The following C7 variants were observed in gnomAD, a reference collection of about 807,000 sequenced individuals.
The protein encoded by C7 is complement C7.
A neutral mutation model predicts 104.8 loss-of-function variants in C7; 83 were observed. That is an observed-to-expected ratio of 0.79 (90% CI 0.66 to 0.95). The LOEUF is 0.95. C7 is among the 40% of genes least tolerant of loss of function. The pLI, the probability that C7 is intolerant of heterozygous loss-of-function variation, is 0.00. For synonymous variants in C7, 415 were observed against 360.6 expected, an observed-to-expected ratio of 1.15 and a Z score of -1.71; for missense variants, 1,070 against 1,011.2, an observed-to-expected ratio of 1.06 and a Z score of -0.79.
chr5:40,947,494 C>A (rs1296814861), intron 7 of C7, 108 bp from the exon 8 acceptor site: 16 of 1,239,692 alleles, frequency 1.3e-5, no homozygotes, highest in Non-Finnish European at 1.7e-5. Flanking sequence ...TTCTTGTAGT[C>A]TTGGTTGATT....
intron 6 of C7, among the ~76,000 whole-genome samples, chr5:40,943,637 T>A (rs1269227615): frequency 2.6e-5 from 4 of 151,858 alleles, no homozygotes; most frequent in Non-Finnish European, 5.9e-5. Flanking sequence ...AAATATTTTT[T>A]AAATCAATAA....
At chr5:40,946,601 C>G (rs550102793) in intron 7 of C7, among the ~76,000 whole-genome samples, 13 of 152,118 alleles carry the variant, frequency 8.5e-5, no homozygotes, top group African/African-American at 2.9e-4. Context: ...AGTAGCTTCA[C>G]CTGCAAATAC....
chr5:40,912,274 C>A (rs947918354), intron 1 of C7, among the ~76,000 whole-genome samples: 1 of 152,038 alleles, frequency 6.6e-6, no homozygotes, highest in African/African-American at 2.4e-5. Flanking sequence ...AATAAGCAGA[C>A]CTTGATGGGT....
chr5:40,972,758 A>G lies in C7; in HGVS notation c.2074+164A>G, dbSNP rs150099750. ...AGACTGAGTAACAGATTTTCTTCAC[A>G]TGGCACAGAAAGACTCATGAAAGCA... is the stretch of plus-strand genomic sequence containing the variant. On this transcript the variant is annotated intron_variant, in intron 15 of 17. Coordinates refer to ENST00000313164, the MANE Select transcript of C7 (RefSeq NM_000587.4). Among the ~76,000 whole-genome samples, 28 of 152,310 alleles carry G rather than the reference A, an allele frequency of 1.8e-4. No individual in the cohort carries two copies. In the East Asian group the frequency reaches 2.9e-3, roughly 16 times the overall value.
rs775574494 is a variant in C7, at chr5:40,909,571, A to T, written c.-40A>T. On this transcript the variant is annotated 5_prime_UTR_variant, in exon 1 of 18. Coordinates refer to ENST00000313164, the MANE Select transcript of C7 (RefSeq NM_000587.4). ...AAACTTACCCGGCCCTTACAGAGGA[A>T]ATCTTCCTCCTCTCTTCTGCCCTGA... is the stretch of plus-strand genomic sequence containing the variant. 23 of 1,549,600 alleles carry T rather than the reference A, an allele frequency of 1.5e-5. 1 individual carries two copies. In the South Asian group the frequency reaches 2.8e-4, roughly 19 times the overall value.
intron 9 of C7, among the ~76,000 whole-genome samples, chr5:40,950,975 A>T (rs1352369604): frequency 2.0e-5 from 3 of 152,182 alleles, no homozygotes; most frequent in Non-Finnish European, 2.9e-5. Flanking sequence ...GGGTTCCATT[A>T]AAAGATTTAA....
intron 14 of C7, chr5:40,967,790 G>A (rs563733619): frequency 1.3e-5 from 2 of 158,894 alleles, no homozygotes; most frequent in East Asian, 1.8e-4. Context: ...CTGCGTTTGT[G>A]GCTTGACAGA....
In C7 at chr5:40,981,449, G is replaced by A; in HGVS notation, c.2408G>A (p.Ser803Asn). The A allele has an allele frequency of 6.2e-7, 1 of 1,613,700 alleles. No homozygotes were observed. The highest frequency in any genetic ancestry group is 8.5e-7 in the Non-Finnish European group (1 of 1,179,752). Residue 803 changes from serine to asparagine, a missense_variant, in exon 18 of 18, where the codon AGC becomes AAC. Transcript: ENST00000313164. ...EASECEEEGF[S>N]ICVEVNGKEQ... ...TCGGAGTGCGAGGAAGAAGGGTTTA[G>A]CATTTGTGTGGAAGTGAACGGCAAG...
intron 17 of C7, 51 bp from the exon 18 acceptor site, chr5:40,981,341 C>A: frequency 6.5e-7 from 1 of 1,538,166 alleles, no homozygotes; most frequent in Non-Finnish European, 8.9e-7. Context: ...TGTTCTTTGA[C>A]TCCCCGACCT....
chr5:40,934,776 A>G (rs906770040), intron 4 of C7, among the ~76,000 whole-genome samples: 1 of 152,186 alleles, frequency 6.6e-6, no homozygotes, highest in African/African-American at 2.4e-5. Flanking sequence ...TGAGTCTTGT[A>G]CATATATTGA....
chr5:40,974,920 G>A (rs1740781461), intron 15 of C7, among the ~76,000 whole-genome samples: 2 of 152,120 alleles, frequency 1.3e-5, no homozygotes, highest in African/African-American at 2.4e-5. Flanking sequence ...AGCCTCTTCT[G>A]TGCATTGCAG....
chr5:40,929,241 T>A (rs1209307747), intron 2 of C7, among the ~76,000 whole-genome samples: 2 of 152,058 alleles, frequency 1.3e-5, no homozygotes, highest in Non-Finnish European at 2.9e-5. Flanking sequence ...GCCAGTTCAT[T>A]GCAATATGAA....
At chr5:40,946,437 T>A (rs1027792100) in intron 7 of C7, among the ~76,000 whole-genome samples, 20 of 152,212 alleles carry the variant, frequency 1.3e-4, no homozygotes, top group Non-Finnish European at 2.6e-4. Flanking sequence ...GTTTTATGAC[T>A]GAGAAACTGA....
intron 14 of C7, among the ~76,000 whole-genome samples, chr5:40,969,790 A>G (rs1424920251): frequency 6.6e-6 from 1 of 151,958 alleles, no homozygotes; most frequent in Non-Finnish European, 1.5e-5. Flanking sequence ...TTTAATTTAC[A>G]AATACCTCAA....
chr5:40,970,658 G>A (rs1740678718), intron 14 of C7, among the ~76,000 whole-genome samples: 1 of 152,046 alleles, frequency 6.6e-6, no homozygotes, highest in Admixed American at 6.6e-5. Flanking sequence ...TGTTACATAG[G>A]TATATATGTG....
chr5:40,909,704 G>A (rs560608668), intron 1 of C7, 88 bp downstream of exon 1: 29 of 921,726 alleles, frequency 3.1e-5, no homozygotes, highest in Admixed American at 2.4e-4. Flanking sequence ...ACGAAGAGGT[G>A]TAATACCTAA....
chr5:40,965,019 G>T (rs554139825), intron 14 of C7, 146 bp downstream of exon 14: 143 of 884,270 alleles, frequency 1.6e-4, no homozygotes, highest in Non-Finnish European at 2.3e-4. Flanking sequence ...TTTTAGGAGC[G>T]ACTTGAATAA....
chr5:40,963,341 A>G (rs1002891972), intron 13 of C7, among the ~76,000 whole-genome samples: 1 of 152,222 alleles, frequency 6.6e-6, no homozygotes, highest in Admixed American at 6.5e-5. Context: ...ATTATGATAT[A>G]CAGCCGCATT....
chr5:40,945,362 A>G lies in C7; in HGVS notation c.732A>G (p.Lys244=). 6.3e-7 allele frequency: 1 copy of G among 1,582,362 alleles called. No homozygotes were observed. The highest frequency in any genetic ancestry group is 1.4e-5 in the African/African-American group (1 of 73,166). ...CTTCACATACCAATGAAATCCATAA[A>G]GGAAAGGTTAGTATAAAATGTCAGT... The part of the protein sequence containing the change: ...SYTSHTNEIH[K]GKSYQLLVVE... The change falls in exon 7 of 18, where the codon AAA becomes AAG. Residue 244 remains lysine (K), a synonymous_variant. Coordinates refer to ENST00000313164, the MANE Select transcript of C7 (RefSeq NM_000587.4).
Sources: gnomAD v4.1 joint callset for allele counts (sites outside exome capture counted in the v4.1 genomes callset) on GRCh38, gnomAD v4.1.1 for gene constraint, MANE v1.5 for transcripts, NCBI Gene and HGNC (gene_info 2026-07-23, HGNC 2026-07-21) for gene names.